FSTL5: variants seen among roughly 807,000 people sequenced by gnomAD.
The protein encoded by FSTL5 is follistatin like 5, also known as follistatin-related protein 5.
FSTL5 carries 62 observed loss-of-function variants against 89.1 expected under a neutral mutation model. The observed-to-expected ratio is 0.70, with a 90% CI of 0.57 to 0.86. The LOEUF (loss-of-function observed/expected upper bound fraction) is 0.86. Among genes scored for constraint, FSTL5 ranks in the 40% least tolerant of loss-of-function variants. The pLI is 0.00. For synonymous variants in FSTL5, 383 were observed against 346.2 expected (o/e 1.11, Z -1.18); for missense variants, 1,057 against 1,001.6 (o/e 1.06, Z -0.75).
At chr4:161,730,449 A>G (rs1313711037) in intron 6 of FSTL5, among the ~76,000 whole-genome samples, 1 of 151,890 alleles carries the variant, frequency 6.6e-6, no homozygotes, top group Non-Finnish European at 1.5e-5. Flanking sequence ...TTTAACATAG[A>G]ATTATTTATT....
chr4:162,089,046 T>C (rs1730435203), intron 2 of FSTL5, among the ~76,000 whole-genome samples: 1 of 152,092 alleles, frequency 6.6e-6, no homozygotes, highest in Non-Finnish European at 1.5e-5. Context: ...ACAGGAGCAG[T>C]TTCATTATTA....
intron 3 of FSTL5, among the ~76,000 whole-genome samples, chr4:161,948,041 C>T (rs1734782872): frequency 6.6e-6 from 1 of 151,790 alleles, no homozygotes; most frequent in Admixed American, 6.6e-5. Context: ...CTTTGGGAGG[C>T]CAAGGTGGCA....
intron 10 of FSTL5, among the ~76,000 whole-genome samples, chr4:161,534,517 A>T (rs1731527614): frequency 1.3e-5 from 2 of 152,126 alleles, no homozygotes; most frequent in Admixed American, 6.6e-5. Flanking sequence ...TTATTTAACC[A>T]ATTATGGGAA....
At chr4:162,002,789 T>C (rs540253818) in intron 3 of FSTL5, among the ~76,000 whole-genome samples, 43 of 142,364 alleles carry the variant, frequency 3.0e-4, no homozygotes, top group Middle Eastern at 3.5e-3. Context: ...ACATTTATTA[T>C]TGTTGTTTTT....
At chr4:161,679,361 C>G (rs988968146) in intron 6 of FSTL5, among the ~76,000 whole-genome samples, 1 of 151,254 alleles carries the variant, frequency 6.6e-6, no homozygotes, top group African/African-American at 2.4e-5. Context: ...ATTTAATAAT[C>G]AAAAATGATA....
Position 161,542,566 on chromosome 4 carries a change from A to G in FSTL5, c.1143T>C (p.Ile381=). ...QLGWLKNGID[I]TPKLSKQLTL... is the part of the protein sequence containing the mutation. ...TGAGTTGTTTGGAAAGCTTTGGTGT[A>G]ATATCAATTCCATTCTTCAACCAGC... The change falls in exon 9 of 16, where the codon ATT becomes ATC. Residue 381 remains isoleucine (I), a synonymous_variant. Transcript: ENST00000306100. 1 of 1,553,632 alleles carries G rather than the reference A, an allele frequency of 6.4e-7. No individual in the cohort carries two copies. Among genetic ancestry groups the G allele is most frequent in the Non-Finnish European group, 8.7e-7 (1 of 1,146,584 alleles).
chr4:161,758,992 C>A (rs1740681330), intron 6 of FSTL5, among the ~76,000 whole-genome samples: 2 of 152,286 alleles, frequency 1.3e-5, no homozygotes, highest in African/African-American at 4.8e-5. Context: ...ATTCTAATGC[C>A]AATCATTGCC....
intron 14 of FSTL5, among the ~76,000 whole-genome samples, chr4:161,457,428 C>T (rs1405298464): frequency 6.6e-6 from 1 of 151,996 alleles, no homozygotes; most frequent in Non-Finnish European, 1.5e-5. Context: ...AAATAAAGAA[C>T]CCATTTTTAG....
intron 5 of FSTL5, among the ~76,000 whole-genome samples, chr4:161,767,162 CT>C (rs1419554862): frequency 2.0e-5 from 3 of 152,100 alleles, no homozygotes; most frequent in Non-Finnish European, 2.9e-5. Flanking sequence ...CTTGCAGTGA[CT>C]TTTTTTCTAC....
chr4:162,119,085 G>A (rs1320945306), intron 1 of FSTL5, among the ~76,000 whole-genome samples: 3 of 152,066 alleles, frequency 2.0e-5, no homozygotes, highest in Non-Finnish European at 4.4e-5. Context: ...AGCCAGAAAT[G>A]TAGGTGTGCA....
intron 4 of FSTL5, among the ~76,000 whole-genome samples, chr4:161,914,837 C>T (rs1319369267): frequency 1.3e-5 from 2 of 152,028 alleles, no homozygotes; most frequent in South Asian, 2.1e-4. Context: ...GTCTTAAACC[C>T]AATAATAATT....
chr4:161,729,731 C>T (rs915610194), intron 6 of FSTL5, among the ~76,000 whole-genome samples: 1 of 151,572 alleles, frequency 6.6e-6, no homozygotes, highest in African/African-American at 2.4e-5. Flanking sequence ...TACAACTATT[C>T]ATTGACTTCC....
In FSTL5 at chr4:161,723,570, G is replaced by A. The variant is rs530973966; in HGVS notation, c.727+35841C>T. Reference sequence around the variant, plus strand: ...AAGGTACATTAAAATGCATTAAATAGGAATTTGGAGAGAGGAATATTAAAT... The same window carrying A: ...AAGGTACATTAAAATGCATTAAATAAGAATTTGGAGAGAGGAATATTAAAT... On this transcript the variant is annotated intron_variant, in intron 6 of 15. Transcript: ENST00000306100. 1.7e-4 allele frequency among the ~76,000 whole-genome samples: 26 copies of A among 152,228 alleles called. 2 individuals carry two copies. In the South Asian group the frequency reaches 5.4e-3, roughly 32 times the overall value.
At chr4:161,825,507 A>G (rs1196408457) in intron 4 of FSTL5, among the ~76,000 whole-genome samples, 1 of 152,130 alleles carries the variant, frequency 6.6e-6, no homozygotes, top group Non-Finnish European at 1.5e-5. Context: ...TTCAGCTGTG[A>G]ATCCATCTGT....
intron 2 of FSTL5, among the ~76,000 whole-genome samples, chr4:162,063,747 A>C (rs1738797516): frequency 6.6e-6 from 1 of 151,906 alleles, no homozygotes; most frequent in South Asian, 2.1e-4. Context: ...ATTTTGATTG[A>C]TTTGAATTAT....
At chr4:161,800,077 T>C (rs1179152040) in intron 4 of FSTL5, among the ~76,000 whole-genome samples, 1 of 151,696 alleles carries the variant, frequency 6.6e-6, no homozygotes, top group Non-Finnish European at 1.5e-5. Context: ...ATTATACATT[T>C]TCTTTTTAAC....
chr4:161,934,836 ATTATT>A (rs1273470220), intron 3 of FSTL5, among the ~76,000 whole-genome samples: 7 of 152,090 alleles, frequency 4.6e-5, no homozygotes, highest in Non-Finnish European at 7.4e-5. Context: ...TGCCCCTGTT[ATTATT>A]TTATTTCATT....
intron 15 of FSTL5, among the ~76,000 whole-genome samples, chr4:161,429,151 C>CT (rs1199804713): frequency 4.6e-5 from 7 of 152,002 alleles, no homozygotes; most frequent in South Asian, 2.1e-4. Flanking sequence ...CTGGGAAGGG[C>CT]TTTTTTGTGT....
intron 5 of FSTL5, among the ~76,000 whole-genome samples, chr4:161,764,321 C>T (rs963871581): frequency 4.6e-5 from 7 of 152,152 alleles, no homozygotes; most frequent in Middle Eastern, 3.4e-3. Context: ...TGCAGTGGTG[C>T]GATCTCGGCT....
Sources: allele counts gnomAD v4.1 joint callset (sites outside exome capture counted in the v4.1 genomes callset), GRCh38; gene constraint gnomAD v4.1.1; transcripts MANE v1.5; gene names NCBI Gene and HGNC (gene_info 2026-07-23, HGNC 2026-07-21).